POT1: variants seen among roughly 807,000 people sequenced by gnomAD.
The protein encoded by POT1 is protection of telomeres 1.
POT1 carries 47 observed loss-of-function variants against 78.5 expected under a neutral mutation model. The observed-to-expected ratio is 0.60, with a 90% confidence interval of 0.47 to 0.76. The LOEUF (loss-of-function observed/expected upper bound fraction) is 0.76. Among genes scored for constraint, POT1 ranks in the 30% least tolerant of loss-of-function variants. The probability of loss-of-function intolerance (pLI) is 0.00; values close to 1 mark genes in which losing one functional copy is unlikely to be tolerated. For missense variants in POT1, 646 were observed against 749.9 expected (o/e 0.86, Z 1.62); for synonymous variants, 259 against 260.7 (o/e 0.99, Z 0.06).
At chr7:124,906,722 T>C (rs990499589) in intron 3 of POT1, among the ~76,000 whole-genome samples, 7 of 152,128 alleles carry the variant, frequency 4.6e-5, no homozygotes, top group Admixed American at 1.3e-4. Context: ...CTGTTCATAG[T>C]GTTCAACAAA....
At chr7:124,865,640 T>A (rs376795866) in intron 7 of POT1, among the ~76,000 whole-genome samples, 4 of 151,816 alleles carry the variant, frequency 2.6e-5, no homozygotes, top group African/African-American at 9.7e-5. Context: ...TCATTTAACA[T>A]CTTCCTCTAA....
At chr7:124,927,511 ATAC>A (rs1797302990) in intron 2 of POT1, among the ~76,000 whole-genome samples, 1 of 152,232 alleles carries the variant, frequency 6.6e-6, no homozygotes, top group Admixed American at 6.5e-5. Context: ...ACAACAATCT[ATAC>A]AAGTGTTATT....
chr7:124,824,999 T>C (rs1794595415), intron 18 of POT1, among the ~76,000 whole-genome samples: 1 of 152,180 alleles, frequency 6.6e-6, no homozygotes, highest in African/African-American at 2.4e-5. Context: ...TCAAATGTGC[T>C]TGTGATCAAA....
chr7:124,837,138 C>T (rs1414287098), intron 14 of POT1: 4 of 246,348 alleles, frequency 1.6e-5, no homozygotes, highest in Non-Finnish European at 3.3e-5. Context: ...AGTCTTTAAC[C>T]TTGAGTACTT....
At chr7:124,866,427 C>T (rs1795726389) in intron 7 of POT1, among the ~76,000 whole-genome samples, 1 of 78,136 alleles carries the variant, frequency 1.3e-5, no homozygotes. Context: ...CTCCAGTATC[C>T]ATTTCATGTT....
intron 8 of POT1, among the ~76,000 whole-genome samples, chr7:124,859,862 A>C (rs1169755045): frequency 6.6e-6 from 1 of 151,830 alleles, no homozygotes; most frequent in African/African-American, 2.4e-5. Flanking sequence ...ATATAATATT[A>C]ACAGAATAGA....
chr7:124,925,928 G>A (rs1230345601), intron 2 of POT1, among the ~76,000 whole-genome samples: 2 of 151,910 alleles, frequency 1.3e-5, no homozygotes, highest in Non-Finnish European at 2.9e-5. Context: ...AAACTGGAAC[G>A]TATATGTCAC....
At chr7:124,845,333 C>A (rs1228405346) in intron 12 of POT1, among the ~76,000 whole-genome samples, 1 of 152,124 alleles carries the variant, frequency 6.6e-6, no homozygotes, top group Non-Finnish European at 1.5e-5. Flanking sequence ...TTTCACAACA[C>A]TGATATATTT....
Position 124,851,854 on chromosome 7 carries a change from G to A in POT1, c.949+18C>T, listed in dbSNP as rs1795314625. ...ATTTAGCAAGAACTAAACTGTCAAT[G>A]TTAAAGATTATCCTTACTTGGAAAG... On this transcript the variant is annotated intron_variant, in intron 11 of 18. Coordinates refer to ENST00000357628, the MANE Select transcript of POT1 (RefSeq NM_015450.3). 1 of 1,533,562 alleles carries A rather than the reference G, an allele frequency of 6.5e-7. No homozygotes were observed. The highest frequency in any genetic ancestry group is 9.0e-7 in the Non-Finnish European group (1 of 1,107,548). 95.0% of individuals were successfully genotyped at this position (1,533,562 alleles called of 1,614,324 possible). A position where few individuals can be genotyped will look rare whatever the true frequency, so the allele number is the denominator to read the frequency against.
intron 11 of POT1, 41 bp from the exon 12 acceptor site, chr7:124,847,039 C>T (rs1479747694): frequency 1.4e-6 from 2 of 1,381,758 alleles, no homozygotes; most frequent in Non-Finnish European, 2.1e-6. Flanking sequence ...TCCATTACAA[C>T]TTCATTGTAG....
chr7:124,929,321 C>T (rs1409119456), intron 1 of POT1: 1 of 144,740 alleles, frequency 6.9e-6, no homozygotes, highest in African/African-American at 2.5e-5. Context: ...GCTGAAAAAT[C>T]GTGTTTTTTT....
At chr7:124,869,615 T>G (rs66578146) in intron 7 of POT1, among the ~76,000 whole-genome samples, 6,688 of 152,258 alleles carry the variant, frequency 0.044, 365 homozygotes, top group African/African-American at 0.12. Flanking sequence ...CAGAGTTTTC[T>G]CTTGTTGCCC....
chr7:124,823,990 T>C lies in POT1; in HGVS notation c.1877A>G (p.Asp626Gly), dbSNP rs545521975. 6.3e-7 allele frequency: 1 copy of C among 1,598,772 alleles called. No individual in the cohort carries two copies. Among genetic ancestry groups the C allele is most frequent in the Non-Finnish European group, 8.6e-7 (1 of 1,167,394 alleles). ...GATTACATCTTCTGCAACTGTGGTGTCAAAAATCTGATAGCAAATTTGATT... is the reference window on the plus strand; with the variant it reads ...GATTACATCTTCTGCAACTGTGGTGCCAAAAATCTGATAGCAAATTTGATT... ...TDNQICYQIFDTTVAEDVI is the reference protein window; with the variant it reads ...TDNQICYQIFGTTVAEDVI Residue 626 changes from aspartate to glycine, a missense_variant, in exon 19 of 19, where the codon GAC becomes GGC. Physicochemically the swap from Asp to Gly is moderately conservative, Grantham distance 94. Coordinates refer to ENST00000357628, the MANE Select transcript of POT1 (RefSeq NM_015450.3).
At chr7:124,886,242 C>T (rs1796240699) in intron 6 of POT1, among the ~76,000 whole-genome samples, 1 of 152,096 alleles carries the variant, frequency 6.6e-6, no homozygotes, top group South Asian at 2.1e-4. Context: ...TTCCATCTAC[C>T]TAAATGTGAA....
Position 124,835,239 on chromosome 7 carries a change from T to C in POT1, c.1505+40A>G, listed in dbSNP as rs777635991. The C allele has an allele frequency of 8.1e-6, 10 of 1,232,102 alleles. No individual in the cohort carries two copies. In the Admixed American group the frequency reaches 1.8e-4, roughly 22 times the overall value. 76.3% of individuals were successfully genotyped at this position (1,232,102 alleles called of 1,614,324 possible). A position where few individuals can be genotyped will look rare whatever the true frequency, so the allele number is the denominator to read the frequency against. On this transcript the variant is annotated intron_variant, in intron 15 of 18. Transcript: ENST00000357628. The stretch of plus-strand genomic sequence containing the variant: ...CACATGACCCCAGAACTTAAAAGTA[T>C]AATAAACAAAACAAAACAAAACAAA...
chr7:124,923,637 G>T (rs555472435), intron 2 of POT1, among the ~76,000 whole-genome samples: 39 of 151,738 alleles, frequency 2.6e-4, no homozygotes, highest in African/African-American at 9.4e-4. Context: ...AACTTCCTAA[G>T]TCTAGCAAGA....
chr7:124,906,550 A>G (rs766880926), intron 3 of POT1, among the ~76,000 whole-genome samples: 1 of 152,076 alleles, frequency 6.6e-6, no homozygotes, highest in Non-Finnish European at 1.5e-5. Context: ...ATGACAAGTT[A>G]ATGGGTGCAG....
At chr7:124,893,343 T>C (rs1426867264) in intron 5 of POT1, among the ~76,000 whole-genome samples, 1 of 151,408 alleles carries the variant, frequency 6.6e-6, no homozygotes, top group Admixed American at 6.6e-5. Context: ...GAGTCATAAA[T>C]GGTATAAAAA....
At chr7:124,898,180 AT>A (rs1479185520) in intron 4 of POT1, 80 bp downstream of exon 4, 1 of 152,000 alleles carries the variant, frequency 6.6e-6, no homozygotes, top group African/African-American at 2.4e-5. Context: ...TTATCTGCAG[AT>A]TTACAGAAAT....
Sources: allele counts gnomAD v4.1 joint callset (sites outside exome capture counted in the v4.1 genomes callset), GRCh38; gene constraint gnomAD v4.1.1; transcripts MANE v1.5; gene names NCBI Gene and HGNC (gene_info 2026-07-23, HGNC 2026-07-21).